Variants in SLC23A1 observed in about 807,000 individuals in gnomAD.
SLC23A1 encodes Na(+)/L-ascorbic acid transporter 1.
In SLC23A1, 31 loss-of-function variants were observed where a neutral mutation model predicts 62.5. The ratio of observed to expected loss-of-function variants is 0.50; its 90% confidence interval spans 0.37 to 0.67. The LOEUF (loss-of-function observed/expected upper bound fraction) is 0.67, where lower values mean the gene tolerates loss of function less well. Ranked by LOEUF, SLC23A1 falls within the 30% of genes least tolerant of loss-of-function variation. The pLI, the probability that SLC23A1 is intolerant of heterozygous loss-of-function variation, is 0.00. For missense variants in SLC23A1, 640 were observed against 782.7 expected, an observed-to-expected ratio of 0.82 and a Z score of 2.18; for synonymous variants, 271 against 313.2, an observed-to-expected ratio of 0.87 and a Z score of 1.42.
At chr5:139,381,462 C>T (rs945064772) in intron 3 of SLC23A1, among the ~76,000 whole-genome samples, 2 of 151,948 alleles carry the variant, frequency 1.3e-5, no homozygotes, top group African/African-American at 4.8e-5. Context: ...GGCATGGTGG[C>T]GCATGCCTGT....
chr5:139,373,782 C>T (rs535856390), intron 13 of SLC23A1, among the ~76,000 whole-genome samples: 1 of 152,208 alleles, frequency 6.6e-6, no homozygotes, highest in Admixed American at 6.5e-5. Flanking sequence ...GAAGAGAAAC[C>T]TTGATTGGGC....
chr5:139,378,238 C>T lies in SLC23A1; in HGVS notation c.1293G>A (p.Met431Ile). ...GACACTCACCAAAGAGAGTGCAGAA[C>T]ATGCCCCCCAGGATGGGGTCAGGGA... ...ASLPDPILGG[M>I]FCTLFGMITA... Residue 431 changes from methionine to isoleucine, a missense_variant, in exon 11 of 15, where the codon ATG (methionine) becomes ATA (isoleucine). Coordinates refer to ENST00000348729, the MANE Select transcript of SLC23A1 (RefSeq NM_005847.5). The surrounding 1 kb of genome is among the most constrained non-coding windows in gnomAD (Gnocchi z 4.5). The T allele has an allele frequency of 6.2e-7, 1 of 1,612,648 alleles. No homozygotes were observed. The highest frequency in any genetic ancestry group is 8.5e-7 in the Non-Finnish European group (1 of 1,179,534).
chr5:139,382,719 G>A, intron 1 of SLC23A1, 114 bp from the exon 2 acceptor site: 3 of 695,296 alleles, frequency 4.3e-6, no homozygotes, highest in Non-Finnish European at 5.1e-6. Flanking sequence ...TGAGAGCGGG[G>A]TTCCCGCCCT....
At chr5:139,380,416 T>C (rs1268480664) in intron 5 of SLC23A1, 27 bp from the exon 6 acceptor site, 1 of 1,613,208 alleles carries the variant, frequency 6.2e-7, no homozygotes, top group South Asian at 1.1e-5. Context: ...CAGCCGTAAG[T>C]CACCATGTAA....
Position 139,378,459 on chromosome 5 carries a change from G to T in SLC23A1, c.1180-108C>A. The T allele has an allele frequency of 6.9e-7, 1 of 1,458,498 alleles. No homozygotes were observed. Among genetic ancestry groups the T allele is most frequent in the Non-Finnish European group, 9.3e-7 (1 of 1,071,460 alleles). 90.3% of individuals were successfully genotyped at this position (1,458,498 alleles called of 1,614,324 possible). A position where few individuals can be genotyped will look rare whatever the true frequency, so the allele number is the denominator to read the frequency against. On this transcript the variant is annotated intron_variant, in intron 10 of 14. Coordinates refer to ENST00000348729, the MANE Select transcript of SLC23A1 (RefSeq NM_005847.5). This position sits in a 1 kb window ranked among gnomAD's most constrained non-coding sequence, Gnocchi z 4.5. The stretch of plus-strand genomic sequence containing the variant: ...GCGAGGCATAAACCGGCTGGGGCTT[G>T]ATGCGGGGGCGAGGCCTCTCAAAGA...
chr5:139,373,321 G>A (rs1362159716), intron 13 of SLC23A1, among the ~76,000 whole-genome samples: 3 of 152,010 alleles, frequency 2.0e-5, no homozygotes, highest in Non-Finnish European at 2.9e-5. Flanking sequence ...GGGATTACAG[G>A]TGTGACCCAC....
Position 139,380,608 on chromosome 5 carries a change from A to G in SLC23A1, c.422T>C (p.Leu141Pro), listed in dbSNP as rs1215855627. ...CCAAATATGAGAGGTGTTCAGGGGCAGACTCCAGTTACCGTAGATCTCCTC... is the reference window on the plus strand; with the variant it reads ...CCAAATATGAGAGGTGTTCAGGGGCGGACTCCAGTTACCGTAGATCTCCTC... ...PEEEIYGNWS[L>P]PLNTSHIWHP... Residue 141 changes from leucine (L) to proline (P), a missense_variant, in exon 5 of 15, where the codon CTG becomes CCG. By Grantham distance (98) the Leu-to-Pro change is moderately conservative (BLOSUM62 -3). Transcript: ENST00000348729. 4 of 1,613,872 alleles carry G rather than the reference A, an allele frequency of 2.5e-6. No individual in the cohort carries two copies. The highest frequency in any genetic ancestry group is 3.3e-5 in the Admixed American group (2 of 59,998).
Position 139,372,227 on chromosome 5 carries a change from G to C in SLC23A1, c.1576C>G (p.Gln526Glu). 1.9e-6 allele frequency: 3 copies of C among 1,613,740 alleles called. No individual in the cohort carries two copies. Among genetic ancestry groups the C allele is most frequent in the Non-Finnish European group, 2.5e-6 (3 of 1,179,674 alleles). The change falls in exon 14 of 15, where the codon CAG (glutamine) becomes GAG (glutamate). Residue 526 changes from glutamine (Q) to glutamate (E), a missense_variant. Coordinates refer to ENST00000348729, the MANE Select transcript of SLC23A1 (RefSeq NM_005847.5). The part of the protein sequence containing the change: ...PGSPEERGLI[Q>E]WKAGAHANSD... ...TTGGCATGAGCCCCAGCTTTCCACT[G>C]TATCAGACCACGCTCCTCTGGGCTC...
upstream of SLC23A1, among the ~76,000 whole-genome samples, chr5:139,384,896 T>C (rs997586009): frequency 1.3e-5 from 2 of 152,102 alleles, no homozygotes; most frequent in Non-Finnish European, 2.9e-5. Context: ...CTCTCCTGAG[T>C]GAAGGCCACG....
At position 139,378,373 on chromosome 5, in the gene SLC23A1, A is replaced by G. The variant is rs1026229859; in HGVS notation, c.1180-22T>C. The G allele has an allele frequency of 6.4e-7, 1 of 1,552,188 alleles. No individual in the cohort carries two copies. On this transcript the variant is annotated intron_variant, in intron 10 of 14. Transcript: ENST00000348729. The surrounding 1 kb of genome is among the most constrained non-coding windows in gnomAD (Gnocchi z 4.5). ...CCACCTGCCGGGGAGCCAGCGGGGA[A>G]GCTAGACCTGGGGACGAGGCTGGGG... is the stretch of plus-strand genomic sequence containing the variant.
In SLC23A1 at chr5:139,379,347, CCACT is replaced by C. The variant is rs1450384588; in HGVS notation, c.929_932del (p.Gln310ArgfsTer6). ...CAGCCGCAGTCACCGTGGGCAGGCC[CCACT>C]GACCTGTGCTCGGAGGGAGACAGGA... On this transcript the variant is annotated frameshift_variant, in exon 9 of 15. Transcript: ENST00000348729. LOFTEE classifies it high-confidence loss of function. The surrounding 1 kb of genome is among the most constrained non-coding windows in gnomAD (Gnocchi z 4.7). The C allele has an allele frequency of 6.2e-7, 1 of 1,614,126 alleles. No homozygotes were observed. The highest frequency in any genetic ancestry group is 8.5e-7 in the Non-Finnish European group (1 of 1,180,000).
At chr5:139,380,698 G>A (rs557508008) in intron 4 of SLC23A1, 66 bp from the exon 5 acceptor site, 2 of 1,483,560 alleles carry the variant, frequency 1.3e-6, no homozygotes, top group Admixed American at 1.7e-5. Context: ...AGAAGATGCT[G>A]CCATGGCTGC....
intron 13 of SLC23A1, among the ~76,000 whole-genome samples, chr5:139,376,482 T>C (rs778564146): frequency 2.0e-5 from 3 of 152,218 alleles, no homozygotes; most frequent in Non-Finnish European, 4.4e-5. Flanking sequence ...TGTTTTAATT[T>C]TGTGACTTTA....
Position 139,379,667 on chromosome 5 carries a change from G to T in SLC23A1, c.925+11C>A, listed in dbSNP as rs1454971265. 2 of 1,605,074 alleles carry T rather than the reference G, an allele frequency of 1.2e-6. No individual in the cohort carries two copies. The highest frequency in any genetic ancestry group is 1.7e-6 in the Non-Finnish European group (2 of 1,174,954). On this transcript the variant is annotated intron_variant, in intron 8 of 14. Coordinates refer to ENST00000348729, the MANE Select transcript of SLC23A1 (RefSeq NM_005847.5). This position sits in a 1 kb window ranked among gnomAD's most constrained non-coding sequence, Gnocchi z 4.7. ...AGTTGGGGGCAGAGGGGCCCAAGGG[G>T]TGTTGCTCACAGGGGTAGGGGATGC... is the stretch of plus-strand genomic sequence containing the variant.
chr5:139,378,321 C>A lies in SLC23A1; in HGVS notation c.1210G>T (p.Ala404Ser). ...VGSRRVVQYG[A>S]AIMLVLGTIG... ...GTGCCCAGGACCAGCATGATAGCCG[C>A]ACCATACTGCACCACGCGCCGGCTG... is the stretch of plus-strand genomic sequence containing the variant. The change falls in exon 11 of 15, where the codon GCG (alanine) becomes TCG (serine). Residue 404 changes from alanine to serine, a missense_variant. Coordinates refer to ENST00000348729, the MANE Select transcript of SLC23A1 (RefSeq NM_005847.5). The surrounding 1 kb of genome is among the most constrained non-coding windows in gnomAD (Gnocchi z 4.5). 1 of 1,578,540 alleles carries A rather than the reference C, an allele frequency of 6.3e-7. No individual in the cohort carries two copies. Among genetic ancestry groups the A allele is most frequent in the Non-Finnish European group, 8.6e-7 (1 of 1,163,164 alleles).
chr5:139,379,295 G>C lies in SLC23A1; in HGVS notation c.985C>G (p.Leu329Val). The part of the protein sequence containing the change: ...AAVLGMFSAT[L>V]AGIIESIGDY... Reference sequence around the variant, plus strand: ...CCGATGGACTCAATGATGCCTGCCAGAGTGGCGCTGAACATTCCCAGGACA... The same window carrying C: ...CCGATGGACTCAATGATGCCTGCCACAGTGGCGCTGAACATTCCCAGGACA... Residue 329 changes from leucine to valine, a missense_variant, in exon 9 of 15, where the codon CTG (leucine) becomes GTG (valine). Coordinates refer to ENST00000348729, the MANE Select transcript of SLC23A1 (RefSeq NM_005847.5). This position sits in a 1 kb window ranked among gnomAD's most constrained non-coding sequence, Gnocchi z 4.7. The C allele has an allele frequency of 3.1e-6, 5 of 1,614,222 alleles. No homozygotes were observed. The highest frequency in any genetic ancestry group is 4.2e-6 in the Non-Finnish European group (5 of 1,180,020).
At chr5:139,377,304 G>T in intron 13 of SLC23A1, 98 bp downstream of exon 13, 2 of 740,592 alleles carry the variant, frequency 2.7e-6, no homozygotes, top group Non-Finnish European at 2.5e-6. Context: ...GGCCTGCATT[G>T]CATGGGACCT....
chr5:139,370,719 C>T (rs771062496), intron 14 of SLC23A1, among the ~76,000 whole-genome samples: 2 of 151,874 alleles, frequency 1.3e-5, no homozygotes, highest in Non-Finnish European at 2.9e-5. Context: ...GACTCGAACT[C>T]CTGACCTCAG....
chr5:139,369,986 T>A (rs1056949395), intron 14 of SLC23A1, among the ~76,000 whole-genome samples: 4 of 152,206 alleles, frequency 2.6e-5, no homozygotes, highest in African/African-American at 9.6e-5. Context: ...GGCTGACCAA[T>A]ATGATGGTGA....
Sources: gnomAD v4.1 joint callset for allele counts (sites outside exome capture counted in the v4.1 genomes callset) on GRCh38, gnomAD v4.1.1 for gene constraint, Gnocchi (gnomAD v3.1) non-coding constraint, MANE v1.5 for transcripts, NCBI Gene and HGNC (gene_info 2026-07-23, HGNC 2026-07-21) for gene names.